C12orf42: variants seen among roughly 807,000 people sequenced by gnomAD.
The protein encoded by C12orf42 is chromosome 12 open reading frame 42, also known as uncharacterized protein C12orf42.
In C12orf42, 25 loss-of-function variants were observed where a neutral mutation model predicts 21.6. That is an observed-to-expected ratio of 1.16 (90% CI 0.84 to 1.62). The LOEUF (loss-of-function observed/expected upper bound fraction) is 1.62. C12orf42 is among the 40% of genes most tolerant of loss of function. The pLI is 0.00. For synonymous variants in C12orf42, 174 were observed against 175.0 expected (o/e 0.99, Z 0.05); for missense variants, 483 against 459.3 (o/e 1.05, Z -0.47).
intron 4 of C12orf42, among the ~76,000 whole-genome samples, chr12:103,285,048 G>A (rs1349454567): frequency 6.6e-6 from 1 of 152,070 alleles, no homozygotes; most frequent in Non-Finnish European, 1.5e-5. Context: ...TCATAACAAA[G>A]CCCTGGCTTC....
intron 4 of C12orf42, among the ~76,000 whole-genome samples, chr12:103,317,588 T>C (rs1336933009): frequency 6.6e-6 from 1 of 152,246 alleles, no homozygotes; most frequent in African/African-American, 2.4e-5. Context: ...AGTGGATACA[T>C]TGATTCATTG....
At chr12:103,149,657 C>A in the C12orf42 span, among the ~76,000 whole-genome samples, 4 of 152,102 alleles carry the variant, frequency 2.6e-5, no homozygotes, top group Admixed American at 2.6e-4. Context: ...GGCATTTCCC[C>A]TTCTCGCACT....
intron 3 of C12orf42, among the ~76,000 whole-genome samples, chr12:103,375,810 T>C (rs1209173017): frequency 6.6e-6 from 1 of 152,184 alleles, no homozygotes; most frequent in Non-Finnish European, 1.5e-5. Flanking sequence ...CTCTATACAA[T>C]TTTTAAGGCT....
chr12:103,282,597 G>A lies in C12orf42; in HGVS notation n.338-5387C>T, dbSNP rs1032566916. Among the ~76,000 whole-genome samples the A allele has an allele frequency of 5.9e-5, 9 of 152,244 alleles. No individual in the cohort carries two copies. In the East Asian group the frequency reaches 1.2e-3, roughly 20 times the overall value. ...TGTTAGTACGCTCTGATGTTCACAC[G>A]ATAACAAAATTACCTAATGATGCAT... On this transcript the variant is annotated intron_variant and non_coding_transcript_variant, in intron 4 of 6. Transcript: ENST00000546526.
chr12:103,478,577 T>G, intron 1 of C12orf42, 130 bp from the exon 2 acceptor site: 1 of 432,570 alleles, frequency 2.3e-6, no homozygotes, highest in Non-Finnish European at 4.0e-6. Context: ...CCAGTGACTT[T>G]CAATAATTTT....
At chr12:103,330,136 C>T (rs1422664513) in intron 4 of C12orf42, among the ~76,000 whole-genome samples, 1 of 152,070 alleles carries the variant, frequency 6.6e-6, no homozygotes, top group Non-Finnish European at 1.5e-5. Flanking sequence ...TAATATCTTT[C>T]TTCACATTCA....
At position 103,252,119 on chromosome 12, in the gene C12orf42, C is replaced by A. The variant is rs189386887; in HGVS notation, c.*1366+11207G>T. Among the ~76,000 whole-genome samples, 74 of 151,886 alleles carry A rather than the reference C, an allele frequency of 4.9e-4. 2 individuals carry two copies. The East Asian group carries it at 0.012, about 25-fold the overall frequency. On this transcript the variant is annotated intron_variant and NMD_transcript_variant, in intron 10 of 10. Coordinates refer to the C12orf42 transcript ENST00000547347. Reference sequence around the variant, plus strand: ...ATTTGTCCTAATGCTCTCTCTCCCCCCAAAAATTCTTTTTTATGGCTGCAT... The same window carrying A: ...ATTTGTCCTAATGCTCTCTCTCCCCACAAAAATTCTTTTTTATGGCTGCAT...
chr12:103,482,054 G>T (rs1799992881), intron 1 of C12orf42, among the ~76,000 whole-genome samples: 1 of 151,930 alleles, frequency 6.6e-6, no homozygotes, highest in African/African-American at 2.4e-5. Context: ...TGCCTAAATT[G>T]CTGTTCTTTT....
chr12:103,075,947 T>C, the C12orf42 span, among the ~76,000 whole-genome samples: 1 of 152,102 alleles, frequency 6.6e-6, no homozygotes, highest in African/African-American at 2.4e-5. Context: ...GAGGAGCTAG[T>C]TTAGTGAACA....
chr12:103,489,300 C>A (rs1488184507), intron 1 of C12orf42, among the ~76,000 whole-genome samples: 1 of 152,198 alleles, frequency 6.6e-6, no homozygotes, highest in Non-Finnish European at 1.5e-5. Flanking sequence ...GCAAATAATG[C>A]TGCCTGATCC....
intron 3 of C12orf42, among the ~76,000 whole-genome samples, chr12:103,379,152 T>C (rs2045951013): frequency 6.6e-6 from 1 of 152,220 alleles, no homozygotes; most frequent in South Asian, 2.1e-4. Flanking sequence ...AAATCAGCTT[T>C]CTGAAGTTGT....
intron 4 of C12orf42, among the ~76,000 whole-genome samples, 155 bp from the exon 5 acceptor site, chr12:103,306,500 GAGA>G (rs959110550): frequency 1.6e-4 from 25 of 152,264 alleles, no homozygotes; most frequent in South Asian, 8.3e-4. Flanking sequence ...AGCTGAGTAG[GAGA>G]AGAAGAAGAG....
intron 2 of C12orf42, among the ~76,000 whole-genome samples, chr12:103,460,384 A>T (rs1952618877): frequency 6.6e-6 from 1 of 152,214 alleles, no homozygotes; most frequent in Admixed American, 6.5e-5. Context: ...ATTTGTTGAC[A>T]AGAACAAGTT....
intron 5 of C12orf42, among the ~76,000 whole-genome samples, chr12:103,276,513 T>C (rs577164244): frequency 2.9e-4 from 44 of 152,292 alleles, no homozygotes; most frequent in African/African-American, 1.0e-3. Flanking sequence ...AGGAGGAGCA[T>C]TAACAATTAC....
At chr12:103,520,621 C>A in the C12orf42 span, among the ~76,000 whole-genome samples, 2 of 152,110 alleles carry the variant, frequency 1.3e-5, no homozygotes, top group Non-Finnish European at 2.9e-5. Flanking sequence ...GAACTCACAA[C>A]TGCAGTGAGC....
the C12orf42 span, among the ~76,000 whole-genome samples, chr12:103,172,267 G>C: frequency 3.3e-5 from 5 of 152,076 alleles, no homozygotes; most frequent in African/African-American, 1.2e-4. Flanking sequence ...GTGGGGAGTT[G>C]AGTGGGTAGA....
At chr12:103,092,890 T>C in the C12orf42 span, among the ~76,000 whole-genome samples, 1 of 152,170 alleles carries the variant, frequency 6.6e-6, no homozygotes, top group Non-Finnish European at 1.5e-5. Context: ...GCCTGACACC[T>C]GTGTGATGCG....
At chr12:103,366,327 GGAGTTAAATCTAA>G (rs1343864157) in intron 4 of C12orf42, among the ~76,000 whole-genome samples, 1 of 151,926 alleles carries the variant, frequency 6.6e-6, no homozygotes, top group Non-Finnish European at 1.5e-5. Flanking sequence ...GATGGATCAA[GGAGTTAAATCTAA>G]GACCCAACAC....
the C12orf42 span, among the ~76,000 whole-genome samples, chr12:103,543,832 A>G: frequency 9.9e-5 from 15 of 151,700 alleles, no homozygotes; most frequent in Non-Finnish European, 2.1e-4. Context: ...TTATGCCACA[A>G]GTACATCCTT....
Sources: allele counts gnomAD v4.1 joint callset (sites outside exome capture counted in the v4.1 genomes callset), GRCh38; gene constraint gnomAD v4.1.1; transcripts MANE v1.5; gene names NCBI Gene and HGNC (gene_info 2026-07-23, HGNC 2026-07-21).